CDK6: variants seen among roughly 807,000 people sequenced by gnomAD.
The protein encoded by CDK6 is cyclin dependent kinase 6.
A neutral mutation model predicts 37.1 loss-of-function variants in CDK6; 6 were observed. The observed-to-expected ratio is 0.16, with a 90% CI of 0.09 to 0.32. CDK6 has a LOEUF of 0.32. Ranked by LOEUF, CDK6 falls within the 10% of genes least tolerant of loss-of-function variation. The pLI, the probability that CDK6 is intolerant of heterozygous loss-of-function variation, is 1.00. For synonymous variants in CDK6, 160 were observed against 161.3 expected (o/e 0.99, Z 0.06); for missense variants, 224 against 418.9 (o/e 0.53, Z 4.06).
chr7:92,629,607 C>T (rs1044204967), intron 5 of CDK6, among the ~76,000 whole-genome samples: 2 of 152,096 alleles, frequency 1.3e-5, no homozygotes, highest in Admixed American at 6.6e-5. Context: ...ATGAAAAAGT[C>T]ATTTCTAATC....
chr7:92,761,223 T>C (rs970591126), intron 3 of CDK6, among the ~76,000 whole-genome samples: 10 of 152,130 alleles, frequency 6.6e-5, no homozygotes, highest in Non-Finnish European at 1.5e-4. Context: ...CTTAGAAAAC[T>C]CTACTACCAG....
intron 3 of CDK6, among the ~76,000 whole-genome samples, chr7:92,771,515 A>AC (rs998860593): frequency 1.3e-5 from 2 of 152,210 alleles, no homozygotes; most frequent in African/African-American, 2.4e-5. Flanking sequence ...GCTTACTTAT[A>AC]CATAAGTAGT....
At chr7:92,817,185 C>T (rs1042928817) in intron 2 of CDK6, among the ~76,000 whole-genome samples, 3 of 151,798 alleles carry the variant, frequency 2.0e-5, no homozygotes, top group East Asian at 1.9e-4. Context: ...CTTCTCAACT[C>T]GTTTTATGAA....
At chr7:92,758,649 G>A (rs138482234) in intron 3 of CDK6, among the ~76,000 whole-genome samples, 87 of 152,278 alleles carry the variant, frequency 5.7e-4, no homozygotes, top group Middle Eastern at 6.8e-3. Flanking sequence ...TTTGAAAATA[G>A]TTTTTCTCCT....
At chr7:92,808,142 T>C (rs1800776298) in intron 2 of CDK6, among the ~76,000 whole-genome samples, 4 of 152,192 alleles carry the variant, frequency 2.6e-5, no homozygotes, top group Admixed American at 2.6e-4. Flanking sequence ...CTTCTTTATG[T>C]TTAGTGATAG....
chr7:92,686,555 C>T (rs1797459403), intron 4 of CDK6, among the ~76,000 whole-genome samples: 1 of 151,938 alleles, frequency 6.6e-6, no homozygotes, highest in African/African-American at 2.4e-5. Context: ...TGGGCTGGTT[C>T]CATATTTTTG....
intron 4 of CDK6, among the ~76,000 whole-genome samples, chr7:92,699,144 CA>C (rs1797787730): frequency 6.6e-6 from 1 of 152,006 alleles, no homozygotes; most frequent in Admixed American, 6.6e-5. Context: ...ATCATCTTGC[CA>C]ACTTCAACTG....
chr7:92,660,403 CTT>C (rs760301842), intron 5 of CDK6, among the ~76,000 whole-genome samples: 1 of 152,134 alleles, frequency 6.6e-6, no homozygotes, highest in Non-Finnish European at 1.5e-5. Context: ...AGGAGAAAAA[CTT>C]TGAGGCATGT....
At chr7:92,659,694 G>A (rs916375605) in intron 5 of CDK6, among the ~76,000 whole-genome samples, 3 of 151,938 alleles carry the variant, frequency 2.0e-5, no homozygotes, top group African/African-American at 4.8e-5. Context: ...TATCCAGGGG[G>A]ATATCTTTGG....
At chr7:92,681,329 G>A (rs1027851598) in intron 4 of CDK6, among the ~76,000 whole-genome samples, 1 of 152,104 alleles carries the variant, frequency 6.6e-6, no homozygotes, top group African/African-American at 2.4e-5. Context: ...TAAACAGGGG[G>A]GCTGTGTACT....
intron 2 of CDK6, among the ~76,000 whole-genome samples, chr7:92,806,867 A>T (rs915017448): frequency 6.6e-6 from 1 of 152,178 alleles, no homozygotes; most frequent in Non-Finnish European, 1.5e-5. Context: ...TTTCTACCGT[A>T]AGACCATAAG....
intron 2 of CDK6, among the ~76,000 whole-genome samples, chr7:92,811,369 T>C (rs1800879260): frequency 6.6e-6 from 1 of 152,102 alleles, no homozygotes; most frequent in Non-Finnish European, 1.5e-5. Context: ...CCTTGTACAC[T>C]GAGACACGTG....
intron 4 of CDK6, among the ~76,000 whole-genome samples, chr7:92,717,514 A>G (rs1798258971): frequency 6.6e-6 from 1 of 151,552 alleles, no homozygotes; most frequent in South Asian, 2.1e-4. Context: ...AGAAAAAGAA[A>G]GAAAGAAAAG....
intron 4 of CDK6, among the ~76,000 whole-genome samples, chr7:92,692,412 A>G (rs1797618617): frequency 1.3e-5 from 2 of 152,248 alleles, no homozygotes; most frequent in South Asian, 4.1e-4. Context: ...TACTCCAAAG[A>G]TAAGTCCATA....
intron 3 of CDK6, among the ~76,000 whole-genome samples, chr7:92,731,683 C>G (rs139859390): frequency 2.0e-3 from 299 of 152,008 alleles, no homozygotes; most frequent in African/African-American, 6.8e-3. Flanking sequence ...ACAGAACCCA[C>G]TTTTTATTCA....
chr7:92,762,985 C>G (rs1373176198), intron 3 of CDK6, among the ~76,000 whole-genome samples: 2 of 152,304 alleles, frequency 1.3e-5, no homozygotes, highest in East Asian at 3.9e-4. Flanking sequence ...GCCTTGCAGT[C>G]CCCAATCTTT....
intron 5 of CDK6, among the ~76,000 whole-genome samples, chr7:92,642,810 G>C (rs934683981): frequency 6.6e-6 from 1 of 151,914 alleles, no homozygotes; most frequent in African/African-American, 2.4e-5. Flanking sequence ...TCCAAAGCTG[G>C]CTCTCATGAC....
At position 92,800,263 on chromosome 7, in the gene CDK6, C is replaced by T. The variant is rs938796991; in HGVS notation, c.234-25432G>A. Among the ~76,000 whole-genome samples the T allele has an allele frequency of 3.9e-5, 6 of 152,286 alleles. 1 individual carries two copies. Among genetic ancestry groups the T allele is most frequent in the Non-Finnish European group, 7.4e-5 (5 of 68,022 alleles). On this transcript the variant is annotated intron_variant, in intron 2 of 7. Transcript: ENST00000424848. ...CCCTCTGCTATGATTCTGACCCTAT[C>T]GATTGGGCATTATCTCCATTCCTCC...
chr7:92,769,972 G>A (rs571688465), intron 3 of CDK6, among the ~76,000 whole-genome samples: 15 of 152,098 alleles, frequency 9.9e-5, no homozygotes, highest in African/African-American at 3.4e-4. Context: ...AATCATTAAG[G>A]TGTCAATTAT....
Sources: gnomAD v4.1 joint callset for allele counts (sites outside exome capture counted in the v4.1 genomes callset) on GRCh38, gnomAD v4.1.1 for gene constraint, MANE v1.5 for transcripts, NCBI Gene and HGNC (gene_info 2026-07-23, HGNC 2026-07-21) for gene names.